DLG2: variants seen among roughly 807,000 people sequenced by gnomAD.
DLG2 encodes disks large homolog 2.
DLG2 carries 45 observed loss-of-function variants against 132.5 expected under a neutral mutation model. The observed-to-expected ratio is 0.34, with a 90% CI of 0.27 to 0.44. The LOEUF (loss-of-function observed/expected upper bound fraction) is 0.44, where lower values mean the gene tolerates loss of function less well. Ranked by LOEUF, DLG2 falls within the 20% of genes least tolerant of loss-of-function variation. The pLI is 1.00. For synonymous variants in DLG2, 424 were observed against 419.6 expected, an observed-to-expected ratio of 1.01 and a Z score of -0.13; for missense variants, 1,045 against 1,196.9, an observed-to-expected ratio of 0.87 and a Z score of 1.87.
At chr11:84,390,077 A>G (rs549054766) in intron 7 of DLG2, among the ~76,000 whole-genome samples, 1 of 152,282 alleles carries the variant, frequency 6.6e-6, no homozygotes, top group African/African-American at 2.4e-5. Flanking sequence ...GTACTATTGC[A>G]TAATCCATCC....
At chr11:84,749,228 CCAAA>C (rs2065787646) in intron 6 of DLG2, among the ~76,000 whole-genome samples, 1 of 152,082 alleles carries the variant, frequency 6.6e-6, no homozygotes, top group South Asian at 2.1e-4. Context: ...TTCCTCATGT[CCAAA>C]CAAACAATCT....
At chr11:85,303,189 G>A (rs2079713716) in intron 3 of DLG2, among the ~76,000 whole-genome samples, 1 of 152,120 alleles carries the variant, frequency 6.6e-6, no homozygotes. Flanking sequence ...CATTACTTAA[G>A]GAAAATTGAA....
chr11:85,017,913 A>G (rs2154138344), intron 6 of DLG2, among the ~76,000 whole-genome samples: 1 of 152,010 alleles, frequency 6.6e-6, no homozygotes, highest in East Asian at 1.9e-4. Context: ...TTTCTCAGTT[A>G]TCTCTTAAAG....
At chr11:84,966,601 T>C (rs1478325730) in intron 6 of DLG2, among the ~76,000 whole-genome samples, 1 of 152,078 alleles carries the variant, frequency 6.6e-6, no homozygotes, top group Non-Finnish European at 1.5e-5. Context: ...AAAGACAGCA[T>C]TGAGAATTGA....
At chr11:84,414,007 C>T (rs1022645813) in intron 7 of DLG2, among the ~76,000 whole-genome samples, 4 of 152,062 alleles carry the variant, frequency 2.6e-5, no homozygotes, top group African/African-American at 4.8e-5. Flanking sequence ...CAAGCCAATT[C>T]GACAAAACAC....
chr11:83,855,177 T>C (rs1001708486), intron 16 of DLG2, among the ~76,000 whole-genome samples: 2 of 152,088 alleles, frequency 1.3e-5, no homozygotes, highest in African/African-American at 2.4e-5. Flanking sequence ...CAAAAACAAA[T>C]GCTGGCAAGG....
intron 6 of DLG2, among the ~76,000 whole-genome samples, chr11:84,835,570 A>C (rs1410252214): frequency 1.3e-5 from 2 of 151,786 alleles, no homozygotes; most frequent in Non-Finnish European, 2.9e-5. Context: ...GTCTTAGTAC[A>C]TATGACTTTC....
intron 6 of DLG2, among the ~76,000 whole-genome samples, chr11:84,855,916 A>G (rs996860181): frequency 4.6e-5 from 7 of 152,048 alleles, no homozygotes; most frequent in African/African-American, 1.7e-4. Flanking sequence ...AGAACCACAG[A>G]ATCTCAGAGT....
chr11:84,748,485 T>A (rs147373453), intron 6 of DLG2, among the ~76,000 whole-genome samples: 137 of 152,314 alleles, frequency 9.0e-4, no homozygotes, highest in African/African-American at 1.7e-3. Flanking sequence ...GATATGGGCA[T>A]GTATTTTTGG....
chr11:84,183,598 T>A (rs1034897761), intron 8 of DLG2, among the ~76,000 whole-genome samples: 21 of 152,196 alleles, frequency 1.4e-4, no homozygotes, highest in Admixed American at 1.1e-3. Context: ...AATTATACTT[T>A]AAGTTTTAGG....
intron 19 of DLG2, among the ~76,000 whole-genome samples, chr11:83,601,089 C>A (rs562372341): frequency 6.6e-6 from 1 of 152,170 alleles, no homozygotes; most frequent in African/African-American, 2.4e-5. Context: ...AAGATACAAT[C>A]TATAATACCT....
intron 18 of DLG2, among the ~76,000 whole-genome samples, chr11:83,710,627 A>G (rs1294060256): frequency 6.6e-6 from 1 of 152,232 alleles, no homozygotes; most frequent in Non-Finnish European, 1.5e-5. Flanking sequence ...TTCATATAAC[A>G]TGTTTCTATT....
chr11:83,910,569 T>C (rs962384861), intron 15 of DLG2, among the ~76,000 whole-genome samples: 1 of 152,148 alleles, frequency 6.6e-6, no homozygotes, highest in South Asian at 2.1e-4. Context: ...ATATTAAATG[T>C]TCCCAACACA....
chr11:85,256,839 T>C (rs1299043905), intron 4 of DLG2, among the ~76,000 whole-genome samples: 1 of 152,238 alleles, frequency 6.6e-6, no homozygotes, highest in African/African-American at 2.4e-5. Context: ...ATACTTTCGA[T>C]ACTATTATTT....
At chr11:85,482,176 A>C (rs1248701916) in intron 3 of DLG2, among the ~76,000 whole-genome samples, 1 of 151,958 alleles carries the variant, frequency 6.6e-6, no homozygotes, top group Non-Finnish European at 1.5e-5. Flanking sequence ...CCATCAGGCC[A>C]ACTCCTGCAG....
chr11:84,227,796 C>T (rs1393843763), intron 8 of DLG2, among the ~76,000 whole-genome samples: 1 of 151,920 alleles, frequency 6.6e-6, no homozygotes, highest in African/African-American at 2.4e-5. Context: ...CGCCTGTACA[C>T]CCAGCTGCTC....
At chr11:84,571,701 G>A (rs1321739817) in intron 6 of DLG2, among the ~76,000 whole-genome samples, 3 of 152,082 alleles carry the variant, frequency 2.0e-5, no homozygotes, top group Non-Finnish European at 4.4e-5. Context: ...CCAAATTCTA[G>A]TTATAGTTAA....
intron 15 of DLG2, among the ~76,000 whole-genome samples, chr11:83,884,863 C>T (rs936715318): frequency 1.3e-5 from 2 of 152,190 alleles, no homozygotes; most frequent in Non-Finnish European, 2.9e-5. Flanking sequence ...CTAGCAAACT[C>T]CAACAGACCT....
At chr11:83,662,764 C>T (rs2153551796) in intron 18 of DLG2, among the ~76,000 whole-genome samples, 1 of 152,290 alleles carries the variant, frequency 6.6e-6, no homozygotes, top group East Asian at 1.9e-4. Context: ...ATGCTCAGAA[C>T]CTTTTGTCAG....
Sources: allele counts gnomAD v4.1 joint callset (sites outside exome capture counted in the v4.1 genomes callset), GRCh38; gene constraint gnomAD v4.1.1; transcripts MANE v1.5; gene names NCBI Gene and HGNC (gene_info 2026-07-23, HGNC 2026-07-21).